ADAMTS18: variants seen among roughly 807,000 people sequenced by gnomAD.
ADAMTS18 encodes ADAM metallopeptidase with thrombospondin type 1 motif 18.
ADAMTS18 carries 157 observed loss-of-function variants against 165.9 expected under a neutral mutation model. The ratio of observed to expected loss-of-function variants is 0.95; its 90% confidence interval spans 0.83 to 1.08. ADAMTS18 has a LOEUF of 1.08. ADAMTS18 is among the 50% of genes least tolerant of loss of function. The pLI, the probability that ADAMTS18 is intolerant of heterozygous loss-of-function variation, is 0.00. For missense variants in ADAMTS18, 2,040 were observed against 1,534.0 expected (o/e 1.33, Z -5.51); for synonymous variants, 782 against 578.2 (o/e 1.35, Z -5.06).
intron 10 of ADAMTS18, among the ~76,000 whole-genome samples, chr16:77,348,752 C>T (rs976791260): frequency 5.9e-5 from 9 of 152,128 alleles, no homozygotes; most frequent in African/African-American, 2.2e-4. Context: ...TGTGTATACA[C>T]AGTTAAAATG....
chr16:77,315,581 T>C lies in ADAMTS18; in HGVS notation c.2532+4268A>G, dbSNP rs140725284. On this transcript the variant is annotated intron_variant, in intron 16 of 22. Transcript: ENST00000282849. ...GCATCTATATACAAATTCCATGATA[T>C]CTGTGAAGATCCTGTTTCCAGCACA... Among the ~76,000 whole-genome samples the C allele has an allele frequency of 7.8e-3, 1,181 of 152,280 alleles. 13 individuals carry two copies. The highest frequency in any genetic ancestry group is 0.014 in the Middle Eastern group (4 of 294).
In ADAMTS18 at chr16:77,293,085, C is replaced by T. The variant is rs149632847; in HGVS notation, c.3180G>A (p.Ser1060=). The change falls in exon 20 of 23, where the codon TCG becomes TCA. Residue 1060 remains serine (S), a synonymous_variant. Transcript: ENST00000282849. ...KNSRLQWVAS[S]WSECSATCGL... ...GACTTCTAATCCATACCTCGCTCCA[C>T]GAAGAAGCGACCCACTGTAGCCGGC... The T allele has an allele frequency of 1.4e-5, 23 of 1,613,926 alleles. No individual in the cohort carries two copies. The highest frequency in any genetic ancestry group is 9.3e-5 in the African/African-American group (7 of 74,886).
chr16:77,364,133 T>C (rs886517803), intron 5 of ADAMTS18, 55 bp downstream of exon 5: 4 of 1,607,912 alleles, frequency 2.5e-6, no homozygotes, highest in Non-Finnish European at 8.5e-7. Context: ...GCAAGAGAAT[T>C]CCATGACATT....
At chr16:77,289,490 T>G (rs1428474339) in intron 21 of ADAMTS18, 79 bp from the exon 22 acceptor site, 6 of 1,536,382 alleles carry the variant, frequency 3.9e-6, no homozygotes, top group Admixed American at 3.4e-5. Context: ...TTCCCATGCT[T>G]CATGACATTA....
chr16:77,319,316 T>C (rs903588197), intron 16 of ADAMTS18, among the ~76,000 whole-genome samples: 6 of 152,170 alleles, frequency 3.9e-5, no homozygotes, highest in African/African-American at 1.2e-4. Context: ...TGGTGAAAGG[T>C]TGACCTCTAA....
chr16:77,394,982 C>T (rs959842042), intron 3 of ADAMTS18, among the ~76,000 whole-genome samples: 5 of 152,112 alleles, frequency 3.3e-5, no homozygotes, highest in African/African-American at 4.8e-5. Context: ...TCTCAACATG[C>T]AGAAAACCCT....
intron 16 of ADAMTS18, among the ~76,000 whole-genome samples, chr16:77,312,678 G>A (rs2055805674): frequency 6.6e-6 from 1 of 152,164 alleles, no homozygotes. Flanking sequence ...CGAATATGCA[G>A]CCAAATATGA....
At chr16:77,405,936 C>T (rs540678284) in intron 3 of ADAMTS18, among the ~76,000 whole-genome samples, 14 of 152,000 alleles carry the variant, frequency 9.2e-5, no homozygotes, top group East Asian at 5.8e-4. Context: ...GAGAAAGTGA[C>T]GATCTAATAA....
At chr16:77,286,794 C>A (rs550024615) in intron 22 of ADAMTS18, among the ~76,000 whole-genome samples, 1 of 152,078 alleles carries the variant, frequency 6.6e-6, no homozygotes, top group Non-Finnish European at 1.5e-5. Context: ...ACGTAAACAC[C>A]CAGTTTCAAT....
chr16:77,367,707 G>A lies in ADAMTS18; in HGVS notation c.512C>T (p.Thr171Ile), dbSNP rs1269496872. Residue 171 changes from threonine to isoleucine, a missense_variant, in exon 4 of 23, where the codon ACA becomes ATA. Physicochemically the swap from Thr to Ile is moderately conservative, Grantham distance 89 (BLOSUM62 -1). Transcript: ENST00000282849. ...CGAGATGAGGAATTCATTTTTTCGTGTCCTTATTAAACCTGACTAAAAAGC... is the reference window on the plus strand; with the variant it reads ...CGAGATGAGGAATTCATTTTTTCGTATCCTTATTAAACCTGACTAAAAAGC... ...TCAGLSGLIR[T>I]RKNEFLISPL... is the part of the protein sequence containing the mutation. 2 of 1,613,998 alleles carry A rather than the reference G, an allele frequency of 1.2e-6. No individual in the cohort carries two copies. Among genetic ancestry groups the A allele is most frequent in the South Asian group, 1.1e-5 (1 of 91,088 alleles).
At chr16:77,296,018 G>GTGTA (rs1555509056) in intron 18 of ADAMTS18, among the ~76,000 whole-genome samples, 7 of 150,488 alleles carry the variant, frequency 4.7e-5, no homozygotes, top group South Asian at 4.2e-4. Context: ...GTGTGTGTGT[G>GTGTA]TATATATATA....
Position 77,315,381 on chromosome 16 carries a change from C to T in ADAMTS18, c.2532+4468G>A, listed in dbSNP as rs558554098. Among the ~76,000 whole-genome samples, 34 of 152,252 alleles carry T rather than the reference C, an allele frequency of 2.2e-4. No homozygotes were observed. The South Asian group carries it at 6.6e-3, about 30-fold the overall frequency. Reference sequence around the variant, plus strand: ...ATAGCTCTTGCGTATGAGATTCAGACGGATTTTAAATACCTTAAAATCTGG... The same window carrying T: ...ATAGCTCTTGCGTATGAGATTCAGATGGATTTTAAATACCTTAAAATCTGG... On this transcript the variant is annotated intron_variant, in intron 16 of 22. Coordinates refer to ENST00000282849, the MANE Select transcript of ADAMTS18 (RefSeq NM_199355.4).
intron 12 of ADAMTS18, among the ~76,000 whole-genome samples, chr16:77,334,722 C>CTGTA (rs2056266395): frequency 3.2e-4 from 14 of 43,292 alleles, no homozygotes; most frequent in South Asian, 5.7e-4. Context: ...CTATAGTATA[C>CTGTA]TACTATATAC....
At position 77,282,776 on chromosome 16, in the gene ADAMTS18, C is replaced by T. The variant is rs763501399; in HGVS notation, c.*1180G>A. ...TTTTAAACTCATTAATGCCTACCAACAGCTGGCTTCTGATGACTGAAAATA... is the reference window on the plus strand; with the variant it reads ...TTTTAAACTCATTAATGCCTACCAATAGCTGGCTTCTGATGACTGAAAATA... On this transcript the variant is annotated 3_prime_UTR_variant, in exon 23 of 23. Transcript: ENST00000282849. 5 of 152,532 alleles carry T rather than the reference C, an allele frequency of 3.3e-5. No individual in the cohort carries two copies. The highest frequency in any genetic ancestry group is 7.4e-5 in the Non-Finnish European group (5 of 68,018). The allele number at this position is 152,532 out of a possible 1,614,324, so 9.4% of individuals were successfully genotyped here.
chr16:77,421,628 T>C (rs1353066826), intron 3 of ADAMTS18, among the ~76,000 whole-genome samples: 1 of 152,226 alleles, frequency 6.6e-6, no homozygotes, highest in Admixed American at 6.5e-5. Flanking sequence ...TAACTTTGCA[T>C]GTTATACAAG....
At chr16:77,397,503 T>C (rs2057273804) in intron 3 of ADAMTS18, among the ~76,000 whole-genome samples, 1 of 152,206 alleles carries the variant, frequency 6.6e-6, no homozygotes, top group Non-Finnish European at 1.5e-5. Context: ...AGTTTAATGG[T>C]TTCTTCTTAA....
intron 10 of ADAMTS18, among the ~76,000 whole-genome samples, chr16:77,344,221 C>T (rs116812977): frequency 0.012 from 1,819 of 150,560 alleles, 43 homozygotes; most frequent in African/African-American, 0.042. Context: ...AATTCTTCCC[C>T]TAAAAGGAGA....
intron 16 of ADAMTS18, among the ~76,000 whole-genome samples, chr16:77,315,189 C>T (rs1370565977): frequency 1.3e-5 from 2 of 152,050 alleles, no homozygotes; most frequent in Admixed American, 6.6e-5. Flanking sequence ...TACTAATAGT[C>T]CTTTGACATT....
Position 77,290,618 on chromosome 16 carries a change from G to A in ADAMTS18, c.3402+648C>T, listed in dbSNP as rs563202005. On this transcript the variant is annotated intron_variant, in intron 21 of 22. Coordinates refer to ENST00000282849, the MANE Select transcript of ADAMTS18 (RefSeq NM_199355.4). ...TAATGGTGAGGTGGGGAGCACCCGA[G>A]TCCTCTGAACTGAACAGCTGTGCAG... The A allele has an allele frequency of 3.2e-4, 49 of 155,550 alleles. No individual in the cohort carries two copies. In the South Asian group the frequency reaches 7.9e-3, roughly 25 times the overall value. 9.6% of individuals were successfully genotyped at this position (155,550 alleles called of 1,614,324 possible). A position where few individuals can be genotyped will look rare whatever the true frequency, so the allele number is the denominator to read the frequency against.
Sources: allele counts gnomAD v4.1 joint callset (sites outside exome capture counted in the v4.1 genomes callset), GRCh38; gene constraint gnomAD v4.1.1; transcripts MANE v1.5; gene names NCBI Gene and HGNC (gene_info 2026-07-23, HGNC 2026-07-21).